Variants in MPND observed in about 807,000 individuals in gnomAD.
The protein encoded by MPND is MPN domain-containing protein.
A neutral mutation model predicts 59.2 loss-of-function variants in MPND; 56 were observed. The observed-to-expected ratio is 0.95, with a 90% CI of 0.76 to 1.18. The LOEUF is 1.18. Ranked by LOEUF, MPND falls within the 50% of genes most tolerant of loss-of-function variation. The probability of loss-of-function intolerance (pLI) is 0.00; values close to 1 mark genes in which losing one functional copy is unlikely to be tolerated. For missense variants in MPND, 671 were observed against 676.0 expected, an observed-to-expected ratio of 0.99 and a Z score of 0.08; for synonymous variants, 323 against 291.9, an observed-to-expected ratio of 1.11 and a Z score of -1.09.
intron 3 of MPND, chr19:4,348,717 G>T (rs1972245559): frequency 6.6e-6 from 1 of 151,708 alleles, no homozygotes; most frequent in Non-Finnish European, 1.5e-5. Context: ...GAATGCAGTG[G>T]TGCAATCTTG....
intron 3 of MPND, among the ~76,000 whole-genome samples, chr19:4,351,861 CAAAA>C (rs1217874445): frequency 3.9e-5 from 2 of 51,390 alleles, no homozygotes; most frequent in Non-Finnish European, 3.5e-5. Flanking sequence ...GACTCTGTCT[CAAAA>C]AAAAAAAAAA....
rs578079798 is a variant in MPND at position 4,359,845 on chromosome 19, C to G, written c.1420-71C>G. 8.6e-6 allele frequency: 11 copies of G among 1,275,660 alleles called. No homozygotes were observed. In the East Asian group the frequency reaches 2.8e-4, roughly 33 times the overall value. The allele number at this position is 1,275,660 out of a possible 1,614,324, so 79.0% of individuals were successfully genotyped here. A position where few individuals can be genotyped will look rare whatever the true frequency, so the allele number is the denominator to read the frequency against. ...GCTCAGTCAGGATGCTGGACTTGCA[C>G]GGTGGACTGTGAGGCGCAGGGCTGG... On this transcript the variant is annotated intron_variant, in intron 12 of 12. Transcript: ENST00000599840.
At chr19:4,345,594 G>A (rs1407307845) in intron 2 of MPND, 151 bp from the exon 3 acceptor site, 3 of 684,762 alleles carry the variant, frequency 4.4e-6, no homozygotes, top group Non-Finnish European at 5.0e-6. Context: ...GGACTCCCAG[G>A]CACTGAGGAG....
Position 4,359,273 on chromosome 19 carries a change from G to A in MPND, c.1419+18G>A, listed in dbSNP as rs751130276. 8.1e-6 allele frequency: 13 copies of A among 1,605,398 alleles called. No individual in the cohort carries two copies. In the Admixed American group the frequency reaches 1.0e-4, roughly 12 times the overall value. The stretch of plus-strand genomic sequence containing the variant: ...AGCTTAAGGTGAGCCCCAAGTCCCC[G>A]CAGACCTCCTAACGGGGCCCCAGGA... On this transcript the variant is annotated intron_variant, in intron 12 of 12. Coordinates refer to ENST00000599840, the MANE Select transcript of MPND (RefSeq NM_001300862.2).
Position 4,360,040 on chromosome 19 carries a change from G to C in MPND, c.*38G>C. On this transcript the variant is annotated 3_prime_UTR_variant, in exon 13 of 13. Transcript: ENST00000599840. ...AGGGTGGGCTCCAGTTGTCTTGAGG[G>C]TCCGGATGGGCTCAGGTAATAAAGA... 2.6e-6 allele frequency: 4 copies of C among 1,514,628 alleles called. No individual in the cohort carries two copies. Among genetic ancestry groups the C allele is most frequent in the Non-Finnish European group, 3.6e-6 (4 of 1,114,874 alleles). 93.8% of individuals were successfully genotyped at this position (1,514,628 alleles called of 1,614,324 possible). A position where few individuals can be genotyped will look rare whatever the true frequency, so the allele number is the denominator to read the frequency against.
chr19:4,359,034 C>T (rs1260688675), intron 11 of MPND, 129 bp from the exon 12 acceptor site: 3 of 637,012 alleles, frequency 4.7e-6, no homozygotes, highest in Non-Finnish European at 8.5e-6. Flanking sequence ...CACTCGTGAT[C>T]TCTTTGTGGT....
chr19:4,353,037 G>GC lies in MPND; in HGVS notation c.664+9dup. ...CAGAGCCTGCCCACCCGGGTGAGAGGCGTGGGGAGGGGAGGCAGGACAGGG... is the reference window on the plus strand; with the variant it reads ...CAGAGCCTGCCCACCCGGGTGAGAGGCCGTGGGGAGGGGAGGCAGGACAGGG... On this transcript the variant is annotated intron_variant, in intron 4 of 12. Coordinates refer to ENST00000599840, the MANE Select transcript of MPND (RefSeq NM_001300862.2). The GC allele has an allele frequency of 7.5e-7, 1 of 1,331,252 alleles. No homozygotes were observed. The highest frequency in any genetic ancestry group is 9.7e-7 in the Non-Finnish European group (1 of 1,030,416). 82.5% of individuals were successfully genotyped at this position (1,331,252 alleles called of 1,614,324 possible).
At chr19:4,358,054 C>G (rs1293985257) in intron 10 of MPND, 29 bp from the exon 11 acceptor site, 1 of 1,539,120 alleles carries the variant, frequency 6.5e-7, no homozygotes, top group African/African-American at 1.4e-5. Context: ...GCTGGTGAGG[C>G]TTCTCTCACT....
intron 8 of MPND, 113 bp from the exon 9 acceptor site, chr19:4,357,140 C>A: frequency 8.2e-7 from 1 of 1,217,960 alleles, no homozygotes; most frequent in Non-Finnish European, 1.1e-6. Flanking sequence ...TTGGTCATCA[C>A]TGTGTCCCCA....
rs1202868730 is a variant in MPND, at chr19:4,357,573, G to A, written c.1224G>A (p.Met408Ile). 1 of 1,612,574 alleles carries A rather than the reference G, an allele frequency of 6.2e-7. No homozygotes were observed. Among genetic ancestry groups the A allele is most frequent in the East Asian group, 2.2e-5 (1 of 44,852 alleles). ...CCAAGATCTCACCTTTCTGGGTGAT[G>A]CCTCCTCCCGAGGTAGGTGGGGCTG... ...PESKISPFWV[M>I]PPPEQRPSDY... The change falls in exon 10 of 13, where the codon ATG becomes ATA. Residue 408 changes from methionine (M) to isoleucine (I), a missense_variant. Coordinates refer to ENST00000599840, the MANE Select transcript of MPND (RefSeq NM_001300862.2).
At chr19:4,354,546 C>A in intron 6 of MPND, 126 bp downstream of exon 6, 1 of 772,846 alleles carries the variant, frequency 1.3e-6, no homozygotes, top group Non-Finnish European at 2.1e-6. Context: ...GCTACTGGTA[C>A]ACTGTGGGTG....
intron 12 of MPND, 92 bp from the exon 13 acceptor site, chr19:4,359,824 A>G: frequency 2.0e-6 from 2 of 1,013,658 alleles, no homozygotes; most frequent in South Asian, 1.6e-5. Flanking sequence ...AGGGGGGCTC[A>G]GTCAGGATGC....
intron 3 of MPND, among the ~76,000 whole-genome samples, chr19:4,350,482 G>A (rs567842721): frequency 1.3e-5 from 2 of 152,186 alleles, no homozygotes; most frequent in Non-Finnish European, 2.9e-5. Context: ...AGGGACCAGG[G>A]CAGAGGTGAG....
intron 8 of MPND, 187 bp from the exon 9 acceptor site, chr19:4,357,066 A>AGGTC: frequency 2.1e-6 from 1 of 471,922 alleles, no homozygotes; most frequent in Non-Finnish European, 3.6e-6. Flanking sequence ...ATATTAAAAG[A>AGGTC]GGTCCTTGTT....
At position 4,343,708 on chromosome 19, in the gene MPND, C is replaced by T. The variant is rs936465560; in HGVS notation, c.8C>T (p.Ala3Val). 1 of 1,201,328 alleles carries T rather than the reference C, an allele frequency of 8.3e-7. No homozygotes were observed. The highest frequency in any genetic ancestry group is 1.6e-5 in the African/African-American group (1 of 62,966). The allele number at this position is 1,201,328 out of a possible 1,614,324, so 74.4% of individuals were successfully genotyped here. A position where few individuals can be genotyped will look rare whatever the true frequency, so the allele number is the denominator to read the frequency against. Residue 3 changes from alanine to valine, a missense_variant and splice_region_variant, in exon 2 of 13, where the codon GCT becomes GTT. Physicochemically the swap from Ala to Val is moderately conservative, Grantham distance 64. Transcript: ENST00000599840. Reference sequence around the variant, plus strand: ...CCCTGCAGCCTCTCGCTGTCCGCAGCTCCGGAGCCGCTGTCCCCGGCGGGC... The same window carrying T: ...CCCTGCAGCCTCTCGCTGTCCGCAGTTCCGGAGCCGCTGTCCCCGGCGGGC... The part of the protein sequence containing the change: MA[A>V]PEPLSPAGGA...
At chr19:4,353,197 A>C (rs1972360927) in intron 4 of MPND, among the ~76,000 whole-genome samples, 168 bp downstream of exon 4, 1 of 152,204 alleles carries the variant, frequency 6.6e-6, no homozygotes. Context: ...GGCTGAAGAC[A>C]GTCCCACTGC....
At chr19:4,344,155 T>G (rs1972134532) in intron 2 of MPND, among the ~76,000 whole-genome samples, 161 bp downstream of exon 2, 1 of 142,698 alleles carries the variant, frequency 7.0e-6, no homozygotes, top group Non-Finnish European at 1.5e-5. Context: ...GAGGGGAAAC[T>G]GAGGCCCGGG....
At chr19:4,344,735 CTTTTTTTTTTTTT>C (rs369442146) in intron 2 of MPND, among the ~76,000 whole-genome samples, 2 of 126,984 alleles carry the variant, frequency 1.6e-5, no homozygotes, top group Non-Finnish European at 3.3e-5. Flanking sequence ...GGTATTAGTA[CTTTTTTTTTTTTT>C]TTTTTTTTGA....
intron 11 of MPND, among the ~76,000 whole-genome samples, chr19:4,358,714 G>A (rs1972502419): frequency 6.6e-6 from 1 of 152,194 alleles, no homozygotes; most frequent in Admixed American, 6.5e-5. Context: ...TTGAACCCGG[G>A]AGGTGGAGGT....
Sources: gnomAD v4.1 joint callset for allele counts (sites outside exome capture counted in the v4.1 genomes callset) on GRCh38, gnomAD v4.1.1 for gene constraint, MANE v1.5 for transcripts, NCBI Gene and HGNC (gene_info 2026-07-23, HGNC 2026-07-21) for gene names.